Variants in ZDHHC14 observed in about 807,000 individuals in gnomAD.
ZDHHC14 encodes palmitoyltransferase ZDHHC14.
A neutral mutation model predicts 47.7 loss-of-function variants in ZDHHC14; 16 were observed. The observed-to-expected ratio is 0.34, with a 90% CI of 0.23 to 0.51. ZDHHC14 has a LOEUF of 0.51. ZDHHC14 is among the 20% of genes least tolerant of loss of function. The pLI, the probability that ZDHHC14 is intolerant of heterozygous loss-of-function variation, is 0.97. For missense variants in ZDHHC14, 515 were observed against 662.5 expected, an observed-to-expected ratio of 0.78 and a Z score of 2.44; for synonymous variants, 293 against 278.9, an observed-to-expected ratio of 1.05 and a Z score of -0.50.
chr6:157,619,482 T>C (rs1226766624), intron 3 of ZDHHC14, among the ~76,000 whole-genome samples: 1 of 152,214 alleles, frequency 6.6e-6, no homozygotes, highest in African/African-American at 2.4e-5. Context: ...TGAAGGGACC[T>C]CTGTTGTCTA....
intron 1 of ZDHHC14, among the ~76,000 whole-genome samples, chr6:157,437,218 G>A (rs1778458692): frequency 1.3e-5 from 2 of 152,190 alleles, no homozygotes; most frequent in African/African-American, 4.8e-5. Context: ...TGGTTCTCAG[G>A]TCCCATGAAG....
At chr6:157,666,313 C>T (rs185582667) in intron 8 of ZDHHC14, among the ~76,000 whole-genome samples, 1 of 152,200 alleles carries the variant, frequency 6.6e-6, no homozygotes, top group African/African-American at 2.4e-5. Context: ...TTTAAATACC[C>T]CAATCCAGTA....
At chr6:157,409,846 G>A (rs910361336) in intron 1 of ZDHHC14, among the ~76,000 whole-genome samples, 1 of 151,516 alleles carries the variant, frequency 6.6e-6, no homozygotes, top group East Asian at 1.9e-4. Context: ...TTTTGGGGGG[G>A]GGGACAGAGT....
chr6:157,511,937 G>C (rs952612553), intron 1 of ZDHHC14, among the ~76,000 whole-genome samples: 25 of 152,098 alleles, frequency 1.6e-4, no homozygotes, highest in Non-Finnish European at 2.8e-4. Flanking sequence ...GGGAGAGAAG[G>C]TGTTGGCTGT....
intron 3 of ZDHHC14, among the ~76,000 whole-genome samples, chr6:157,608,219 G>A (rs763716238): frequency 2.2e-4 from 33 of 152,310 alleles, no homozygotes; most frequent in Middle Eastern, 3.4e-3. Context: ...TACCCAGAGC[G>A]AGAAGCACGT....
intron 8 of ZDHHC14, among the ~76,000 whole-genome samples, chr6:157,657,299 C>T (rs941211687): frequency 2.6e-5 from 4 of 152,150 alleles, no homozygotes; most frequent in Non-Finnish European, 4.4e-5. Context: ...CCACCTGCCT[C>T]AGCCTCCCAA....
At chr6:157,498,885 A>G (rs764659530) in intron 1 of ZDHHC14, among the ~76,000 whole-genome samples, 1 of 152,168 alleles carries the variant, frequency 6.6e-6, no homozygotes, top group African/African-American at 2.4e-5. Context: ...TTTCCATTGC[A>G]TTGAGTTCAG....
chr6:157,447,505 T>TGTATGGAAG (rs1778704883), intron 1 of ZDHHC14, among the ~76,000 whole-genome samples: 1 of 152,070 alleles, frequency 6.6e-6, no homozygotes, highest in Non-Finnish European at 1.5e-5. Context: ...GGTCGGGGAC[T>TGTATGGAAG]GTATGGAAGG....
chr6:157,405,608 G>A lies in ZDHHC14; in HGVS notation c.245+23342G>A, dbSNP rs1014158609. 2.0e-5 allele frequency among the ~76,000 whole-genome samples: 3 copies of A among 152,192 alleles called. No individual in the cohort carries two copies. The East Asian group carries it at 5.8e-4, about 29-fold the overall frequency. ...ATTTTGGTCAGAAAAACCTCTCCAA[G>A]GGTTGATATTAATAATAATGGTAAT... On this transcript the variant is annotated intron_variant, in intron 1 of 8. Transcript: ENST00000359775.
intron 1 of ZDHHC14, among the ~76,000 whole-genome samples, chr6:157,445,416 G>A (rs923937602): frequency 6.6e-6 from 1 of 152,114 alleles, no homozygotes; most frequent in Non-Finnish European, 1.5e-5. Flanking sequence ...TCTTGCCTCC[G>A]TCTCATTCCT....
chr6:157,562,158 C>T (rs1379929021), intron 2 of ZDHHC14, among the ~76,000 whole-genome samples: 4 of 152,106 alleles, frequency 2.6e-5, no homozygotes, highest in South Asian at 4.2e-4. Flanking sequence ...AGCCTGGGGG[C>T]GTAGGGGCTG....
chr6:157,522,018 T>G (rs1780932092), intron 1 of ZDHHC14, among the ~76,000 whole-genome samples: 1 of 103,508 alleles, frequency 9.7e-6, no homozygotes, highest in African/African-American at 4.4e-5. Flanking sequence ...TATAACAAGT[T>G]GCATTTTTTT....
rs192384362 is a variant in ZDHHC14, at chr6:157,421,461, C to G, written c.245+39195C>G. On this transcript the variant is annotated intron_variant, in intron 1 of 8. Coordinates refer to ENST00000359775, the MANE Select transcript of ZDHHC14 (RefSeq NM_024630.3). ...TGAGCTGAGATCGTGCCACTGCACT[C>G]CATCCTGGGCTACAGAGCCAGACTC... Among the ~76,000 whole-genome samples the G allele has an allele frequency of 2.1e-4, 27 of 130,600 alleles. No homozygotes were observed. In the East Asian group the frequency reaches 6.2e-3, roughly 30 times the overall value. 85.7% of individuals were successfully genotyped at this position (130,600 alleles called of 152,430 possible). A position where few individuals can be genotyped will look rare whatever the true frequency, so the allele number is the denominator to read the frequency against.
At chr6:157,447,048 C>A (rs1027755299) in intron 1 of ZDHHC14, among the ~76,000 whole-genome samples, 1 of 151,400 alleles carries the variant, frequency 6.6e-6, no homozygotes, top group Non-Finnish European at 1.5e-5. Context: ...GAACCCGGGA[C>A]GTGGAGGTTG....
chr6:157,654,892 T>C (rs752229678), intron 8 of ZDHHC14, among the ~76,000 whole-genome samples: 2 of 151,998 alleles, frequency 1.3e-5, no homozygotes, highest in Admixed American at 6.6e-5. Context: ...CATGCCACCA[T>C]GCAGGCTAAT....
chr6:157,524,496 C>G (rs2114772527), intron 1 of ZDHHC14, among the ~76,000 whole-genome samples: 1 of 152,310 alleles, frequency 6.6e-6, no homozygotes, highest in Middle Eastern at 3.4e-3. Flanking sequence ...TTAAGTCTCT[C>G]TGTGGCATGT....
At chr6:157,601,075 G>A (rs565313523) in intron 3 of ZDHHC14, among the ~76,000 whole-genome samples, 10 of 152,306 alleles carry the variant, frequency 6.6e-5, no homozygotes, top group Middle Eastern at 6.8e-3. Flanking sequence ...TGCCCTGGCC[G>A]CAGCGCACGG....
chr6:157,417,046 T>A (rs1175261182), intron 1 of ZDHHC14, among the ~76,000 whole-genome samples: 3 of 136,574 alleles, frequency 2.2e-5, no homozygotes, highest in African/African-American at 8.2e-5. Context: ...GCCAGGCTGG[T>A]CTCGAACTCC....
At chr6:157,541,796 T>C (rs1336394277) in intron 1 of ZDHHC14, among the ~76,000 whole-genome samples, 1 of 152,142 alleles carries the variant, frequency 6.6e-6, no homozygotes, top group Non-Finnish European at 1.5e-5. Context: ...CTGGCTCGTG[T>C]AGAGTTTAGT....
Sources: allele counts gnomAD v4.1 joint callset (sites outside exome capture counted in the v4.1 genomes callset), GRCh38; gene constraint gnomAD v4.1.1; transcripts MANE v1.5; gene names NCBI Gene and HGNC (gene_info 2026-07-23, HGNC 2026-07-21).